CXCL13: variants seen among roughly 807,000 people sequenced by gnomAD.
The protein encoded by CXCL13 is C-X-C motif chemokine 13.
Under a neutral mutation model 12.2 loss-of-function variants are expected in CXCL13, and 7 were observed. The observed-to-expected ratio is 0.57, with a 90% CI of 0.33 to 1.07. The LOEUF (loss-of-function observed/expected upper bound fraction) is 1.07. CXCL13 is among the 50% of genes least tolerant of loss of function. The pLI is 0.04. For synonymous variants in CXCL13, 47 were observed against 42.4 expected (o/e 1.11, Z -0.42); for missense variants, 113 against 127.4 (o/e 0.89, Z 0.55).
At chr4:77,532,916 A>G (rs1724965259) in intron 1 of CXCL13, among the ~76,000 whole-genome samples, 1 of 151,934 alleles carries the variant, frequency 6.6e-6, no homozygotes, top group African/African-American at 2.4e-5. Context: ...CTCTGCATTG[A>G]TTATTCTAGT....
intron 1 of CXCL13, among the ~76,000 whole-genome samples, chr4:77,581,531 G>T (rs1726333535): frequency 6.6e-6 from 1 of 152,258 alleles, no homozygotes; most frequent in East Asian, 1.9e-4. Flanking sequence ...TGAGACCTGA[G>T]TTCTTCCAGG....
intron 1 of CXCL13, among the ~76,000 whole-genome samples, chr4:77,549,061 C>T (rs919486071): frequency 1.3e-5 from 2 of 152,080 alleles, no homozygotes; most frequent in African/African-American, 4.8e-5. Flanking sequence ...CTCTAAACTT[C>T]TCTTCTCACT....
intron 1 of CXCL13, among the ~76,000 whole-genome samples, chr4:77,596,474 C>T (rs951091348): frequency 2.0e-5 from 3 of 152,116 alleles, no homozygotes; most frequent in African/African-American, 7.2e-5. Context: ...TCTGTGTATA[C>T]ACCCAAACAA....
chr4:77,601,271 C>G (rs1043705593), upstream of CXCL13, among the ~76,000 whole-genome samples: 16 of 152,088 alleles, frequency 1.1e-4, no homozygotes, highest in African/African-American at 3.6e-4. Context: ...GAAAGCAGCT[C>G]GCTCAAGATG....
chr4:77,513,309 G>A (rs766085978), intron 1 of CXCL13, among the ~76,000 whole-genome samples: 5 of 152,086 alleles, frequency 3.3e-5, no homozygotes, highest in Non-Finnish European at 5.9e-5. Flanking sequence ...TGATGGGATC[G>A]CTGGGTCTAA....
chr4:77,513,666 A>C (rs1259858794), intron 1 of CXCL13, among the ~76,000 whole-genome samples: 1 of 151,962 alleles, frequency 6.6e-6, no homozygotes, highest in Non-Finnish European at 1.5e-5. Flanking sequence ...GTTAGCCAGG[A>C]TGGCCTCCAT....
chr4:77,552,267 C>T (rs1389758337), intron 1 of CXCL13, among the ~76,000 whole-genome samples: 1 of 151,972 alleles, frequency 6.6e-6, no homozygotes, highest in Non-Finnish European at 1.5e-5. Flanking sequence ...TCTTTCTTTC[C>T]CTATAATAAT....
chr4:77,581,851 A>C (rs186612192), intron 1 of CXCL13, among the ~76,000 whole-genome samples: 9 of 152,276 alleles, frequency 5.9e-5, no homozygotes, highest in African/African-American at 2.2e-4. Flanking sequence ...CATCTCTTGC[A>C]TTCATTTCAA....
chr4:77,534,582 ATC>A (rs1037982459), intron 1 of CXCL13, among the ~76,000 whole-genome samples: 2 of 152,214 alleles, frequency 1.3e-5, no homozygotes, highest in African/African-American at 4.8e-5. Context: ...TAATTGTCAG[ATC>A]TCTTTCTGGG....
intron 3 of CXCL13, 46 bp downstream of exon 3, chr4:77,610,740 A>C (rs754384628): frequency 1.6e-5 from 22 of 1,410,784 alleles, no homozygotes; most frequent in Non-Finnish European, 2.1e-5. Context: ...CTTGTACTGA[A>C]GAGTTTCCCT....
intron 1 of CXCL13, among the ~76,000 whole-genome samples, chr4:77,588,557 T>C (rs989930630): frequency 6.6e-6 from 1 of 152,228 alleles, no homozygotes; most frequent in Non-Finnish European, 1.5e-5. Flanking sequence ...TTTTTAAATA[T>C]GTAATTTTTT....
intron 1 of CXCL13, among the ~76,000 whole-genome samples, chr4:77,543,966 T>G (rs1045167129): frequency 5.9e-5 from 9 of 152,088 alleles, no homozygotes; most frequent in Non-Finnish European, 1.5e-5. Context: ...TCTCATTGTT[T>G]AATTCCCACC....
rs548184308 is a variant in CXCL13, at chr4:77,513,240, A to C, written c.-43+1452A>C. ...AGTCTTTGCTATTGTGAACAGTGCC[A>C]CAATAAAGCATGTGTCTTTATAGTA... On this transcript the variant is annotated intron_variant, in intron 1 of 4. Transcript: ENST00000286758. Among the ~76,000 whole-genome samples the C allele has an allele frequency of 5.5e-4, 83 of 152,258 alleles. 1 individual carries two copies. The highest frequency in any genetic ancestry group is 1.9e-3 in the African/African-American group (79 of 41,538).
chr4:77,530,407 G>A (rs1450678039), intron 1 of CXCL13, among the ~76,000 whole-genome samples: 2 of 152,066 alleles, frequency 1.3e-5, no homozygotes. Flanking sequence ...ATCTGGTCCT[G>A]GACTTTTTTT....
intron 1 of CXCL13, among the ~76,000 whole-genome samples, chr4:77,527,642 A>G (rs550729499): frequency 2.9e-4 from 44 of 152,208 alleles, no homozygotes; most frequent in African/African-American, 1.9e-4. Context: ...AGATAAAAAA[A>G]AAAGAAAGAA....
At chr4:77,538,554 T>A (rs1725121600) in intron 1 of CXCL13, among the ~76,000 whole-genome samples, 1 of 151,940 alleles carries the variant, frequency 6.6e-6, no homozygotes, top group Non-Finnish European at 1.5e-5. Flanking sequence ...TTAGGCTGGC[T>A]AATTTGAAGA....
At chr4:77,512,808 T>C (rs1189171113) in intron 1 of CXCL13, among the ~76,000 whole-genome samples, 1 of 152,202 alleles carries the variant, frequency 6.6e-6, no homozygotes, top group Non-Finnish European at 1.5e-5. Context: ...CTTTAAGTTC[T>C]GGGGTACATG....
intron 1 of CXCL13, among the ~76,000 whole-genome samples, chr4:77,541,710 G>C (rs138941999): frequency 1.5e-3 from 224 of 152,074 alleles, no homozygotes; most frequent in African/African-American, 5.2e-3. Context: ...TGTTATTGTT[G>C]TTCCAAATGA....
intron 1 of CXCL13, among the ~76,000 whole-genome samples, chr4:77,564,401 G>C (rs187323489): frequency 6.6e-6 from 1 of 152,218 alleles, no homozygotes; most frequent in African/African-American, 2.4e-5. Context: ...AGCCAGCAGG[G>C]AAAGTTCAAG....
Sources: gnomAD v4.1 joint callset for allele counts (sites outside exome capture counted in the v4.1 genomes callset) on GRCh38, gnomAD v4.1.1 for gene constraint, MANE v1.5 for transcripts, NCBI Gene and HGNC (gene_info 2026-07-23, HGNC 2026-07-21) for gene names.